Variants in CASK observed in about 807,000 individuals in gnomAD.
The protein encoded by CASK is calcium/calmodulin dependent serine protein kinase.
CASK carries 4 observed loss-of-function variants against 82.9 expected under a neutral mutation model. The ratio of observed to expected loss-of-function variants is 0.05; its 90% CI spans 0.02 to 0.11. The LOEUF is 0.11. Among genes scored for constraint, CASK ranks in the 10% least tolerant of loss-of-function variants. The pLI, the probability that CASK is intolerant of heterozygous loss-of-function variation, is 1.00. For synonymous variants in CASK, 259 were observed against 253.5 expected (o/e 1.02, Z -0.20); for missense variants, 358 against 720.9 (o/e 0.50, Z 5.76).
At chrX:41,798,522 A>G (rs2069915217) in intron 2 of CASK, among the ~76,000 whole-genome samples, 1 of 112,813 alleles carries the variant, frequency 8.9e-6, no homozygotes, top group African/African-American at 3.2e-5. Context: ...GAGAGCAGTT[A>G]AGTAACTCAT....
chrX:41,725,071 A>G (rs2068235092), intron 5 of CASK, among the ~76,000 whole-genome samples: 1 of 112,127 alleles, frequency 8.9e-6, no homozygotes, highest in Non-Finnish European at 1.9e-5. Context: ...AAACCAGATT[A>G]TAATTCATCA....
intron 1 of CASK, among the ~76,000 whole-genome samples, chrX:41,883,552 C>G (rs1332364599): frequency 1.8e-5 from 2 of 111,739 alleles, no homozygotes; most frequent in East Asian, 5.6e-4. Context: ...GAAGAATTTT[C>G]AGGCTAAGAA....
Position 41,888,742 on chromosome X carries a change from CAT to C in CASK, c.59+34186_59+34187del, listed in dbSNP as rs1491315362. Among the ~76,000 whole-genome samples the C allele has an allele frequency of 7.4e-5, 7 of 95,192 alleles. No individual in the cohort carries two copies. In the East Asian group the frequency reaches 9.3e-4, roughly 13 times the overall value. The allele number at this position is 95,192 out of a possible 115,157, so 82.7% of individuals were successfully genotyped here. A position where few individuals can be genotyped will look rare whatever the true frequency, so the allele number is the denominator to read the frequency against. Reference sequence around the variant, plus strand: ...GTATGTGAATATATGTATATATATACATATATATGTATATGTATGTGTATATA... The same window carrying C: ...GTATGTGAATATATGTATATATATACATATATGTATATGTATGTGTATATA... On this transcript the variant is annotated intron_variant, in intron 1 of 26. Transcript: ENST00000378163.
chrX:41,736,369 G>A (rs1291400389), intron 5 of CASK, among the ~76,000 whole-genome samples: 5 of 111,267 alleles, frequency 4.5e-5, no homozygotes, highest in Admixed American at 3.8e-4. Context: ...GTGTGGTGGC[G>A]CACGCCTATA....
chrX:41,637,389 T>A lies in CASK; in HGVS notation c.832-728A>T, dbSNP rs1424081805. On this transcript the variant is annotated intron_variant, in intron 8 of 26. Transcript: ENST00000378163. ...CTAATTAGGACACGCTTTTTTTTTT[T>A]TTTTTTTTTTTTTTTTTTTTTGAGA... Among the ~76,000 whole-genome samples the A allele has an allele frequency of 5.5e-5, 3 of 54,562 alleles. No homozygotes were observed. In the South Asian group the frequency reaches 3.3e-3, roughly 60 times the overall value. The allele number at this position is 54,562 out of a possible 115,157, so 47.4% of individuals were successfully genotyped here. A position where few individuals can be genotyped will look rare whatever the true frequency, so the allele number is the denominator to read the frequency against.
chrX:41,609,881 G>A, intron 12 of CASK, 23 bp downstream of exon 12: 1 of 1,206,428 alleles, frequency 8.3e-7, no homozygotes, highest in East Asian at 3.0e-5. Flanking sequence ...CAAAAAAGAA[G>A]AATAATAAAA....
chrX:41,667,872 A>G (rs1031210617), intron 6 of CASK, among the ~76,000 whole-genome samples: 1 of 112,005 alleles, frequency 8.9e-6, no homozygotes, highest in Admixed American at 9.5e-5. Context: ...AAGCACCCTC[A>G]GGAACTTCAG....
At chrX:41,853,265 C>A in intron 1 of CASK, 38 bp from the exon 2 acceptor site, 1 of 835,358 alleles carries the variant, frequency 1.2e-6, no homozygotes, top group Non-Finnish European at 1.8e-6. Context: ...CATTGATTCT[C>A]TTAAGTTCCT....
chrX:41,865,040 T>C (rs1344122462), intron 1 of CASK, among the ~76,000 whole-genome samples: 3 of 112,189 alleles, frequency 2.7e-5, no homozygotes, highest in African/African-American at 9.7e-5. Flanking sequence ...TGTAACTGTT[T>C]AGGCGACATA....
Position 41,711,005 on chromosome X carries a change from C to T in CASK, c.429+28379G>A, listed in dbSNP as rs148331326. On this transcript the variant is annotated intron_variant, in intron 5 of 26. Transcript: ENST00000378163. ...TTTCATCTGTATCCTTTATAATAAA[C>T]GGGTATATGTAACTGGTTCCCTGAG... Among the ~76,000 whole-genome samples, 179 of 111,784 alleles carry T rather than the reference C, an allele frequency of 1.6e-3. 1 individual carries two copies. The highest frequency in any genetic ancestry group is 5.5e-3 in the African/African-American group (170 of 30,700).
At chrX:41,534,399 AC>A (rs1213087006) in intron 24 of CASK, among the ~76,000 whole-genome samples, 4 of 89,364 alleles carry the variant, frequency 4.5e-5, no homozygotes, top group African/African-American at 2.3e-4. Context: ...TAAAACACAC[AC>A]ACACACACAC....
chrX:41,660,281 C>T (rs1215892335), intron 8 of CASK, 158 bp downstream of exon 8: 1 of 503,877 alleles, frequency 2.0e-6, no homozygotes, highest in East Asian at 3.6e-5. Context: ...CAGATGTTCA[C>T]AGATGATGTG....
At chrX:41,688,764 T>C (rs2067487882) in intron 5 of CASK, among the ~76,000 whole-genome samples, 1 of 110,651 alleles carries the variant, frequency 9.0e-6, no homozygotes, top group African/African-American at 3.3e-5. Flanking sequence ...CATTCCACAA[T>C]TGTCAAGTTG....
chrX:41,590,821 T>A (rs958922455), intron 12 of CASK, among the ~76,000 whole-genome samples: 1 of 110,625 alleles, frequency 9.0e-6, no homozygotes, highest in South Asian at 3.8e-4. Flanking sequence ...CCAATGCTAG[T>A]TGAGAAGTCA....
chrX:41,770,283 TCTATCTATCTATCTAC>T (rs1237182016), intron 3 of CASK, among the ~76,000 whole-genome samples: 5 of 98,640 alleles, frequency 5.1e-5, no homozygotes, highest in African/African-American at 1.1e-4. Flanking sequence ...TATCTATCTA[TCTATCTATCTATCTAC>T]CTACCTACCT....
chrX:41,559,200 C>T (rs2065194609), intron 18 of CASK: 1 of 113,401 alleles, frequency 8.8e-6, no homozygotes, highest in Non-Finnish European at 1.9e-5. Flanking sequence ...CTGTATTACT[C>T]TAGAAAACTT....
intron 3 of CASK, among the ~76,000 whole-genome samples, chrX:41,768,909 G>A (rs2069163348): frequency 9.0e-6 from 1 of 111,383 alleles, no homozygotes; most frequent in South Asian, 3.7e-4. Flanking sequence ...AAAAGAAATG[G>A]GTAAATTTAC....
At chrX:41,717,305 G>A (rs750328288) in intron 5 of CASK, among the ~76,000 whole-genome samples, 7 of 112,140 alleles carry the variant, frequency 6.2e-5, no homozygotes, top group Admixed American at 1.9e-4. Context: ...AACTTTTTGC[G>A]GGAGTGCTGA....
chrX:41,661,591 A>T (rs141300105), intron 7 of CASK, among the ~76,000 whole-genome samples: 373 of 111,617 alleles, frequency 3.3e-3, no homozygotes, highest in Non-Finnish European at 5.2e-3. Flanking sequence ...ATTAGCTCTG[A>T]CTAATGTGAG....
Sources: allele counts gnomAD v4.1 joint callset (sites outside exome capture counted in the v4.1 genomes callset), GRCh38; gene constraint gnomAD v4.1.1; transcripts MANE v1.5; gene names NCBI Gene and HGNC (gene_info 2026-07-23, HGNC 2026-07-21).